Variants in BCAS3 observed in about 807,000 individuals in gnomAD.
BCAS3 encodes the protein BCAS3 microtubule associated cell migration factor.
BCAS3 carries 53 observed loss-of-function variants against 116.1 expected under a neutral mutation model. That is an observed-to-expected ratio of 0.46 (90% CI 0.37 to 0.57). The LOEUF is 0.57. BCAS3 is among the 20% of genes least tolerant of loss of function. BCAS3 has a pLI of 0.00. For synonymous variants in BCAS3, 391 were observed against 408.2 expected (o/e 0.96, Z 0.51); for missense variants, 917 against 1,165.4 (o/e 0.79, Z 3.10).
intron 6 of BCAS3, among the ~76,000 whole-genome samples, chr17:60,777,482 C>T (rs938188049): frequency 9.9e-5 from 15 of 151,548 alleles, no homozygotes; most frequent in African/African-American, 2.7e-4. Flanking sequence ...AAAAATGGGC[C>T]GGGTGTGGTG....
At chr17:61,150,917 CCA>C (rs1386881698) in intron 22 of BCAS3, among the ~76,000 whole-genome samples, 6 of 152,186 alleles carry the variant, frequency 3.9e-5, no homozygotes, top group African/African-American at 1.4e-4. Context: ...TCTTGGTTTT[CCA>C]CACTTTTGCA....
chr17:61,331,061 G>A (rs1243369526), intron 22 of BCAS3, among the ~76,000 whole-genome samples: 1 of 152,222 alleles, frequency 6.6e-6, no homozygotes, highest in Non-Finnish European at 1.5e-5. Context: ...GGTGCTTTCC[G>A]TAGGGGTGAG....
rs1008893446 is a variant in BCAS3 at position 61,366,792 on chromosome 17, A to G, written c.2426-1535A>G. Among the ~76,000 whole-genome samples, 4 of 152,174 alleles carry G rather than the reference A, an allele frequency of 2.6e-5. No individual in the cohort carries two copies. The highest frequency in any genetic ancestry group is 7.2e-5 in the African/African-American group (3 of 41,438). On this transcript the variant is annotated intron_variant, in intron 22 of 23. Transcript: ENST00000407086. The surrounding 1 kb of genome is among the most constrained non-coding windows in gnomAD (Gnocchi z 4.5). ...CCCAGTGCCAGGAATCTTCCCTACA[A>G]TTAGGTACGAGATAAATCAAAGCCA...
chr17:60,850,497 T>C (rs1022784265), intron 7 of BCAS3, among the ~76,000 whole-genome samples: 4 of 151,786 alleles, frequency 2.6e-5, no homozygotes, highest in Admixed American at 2.6e-4. Context: ...AAGCTGGGAT[T>C]ACAGGCACCC....
At chr17:61,329,343 A>ATTTTTTTTTTTTTTTTTTTTTTT (rs35909318) in intron 22 of BCAS3, among the ~76,000 whole-genome samples, 4 of 131,280 alleles carry the variant, frequency 3.0e-5, no homozygotes, top group African/African-American at 1.2e-4. Flanking sequence ...TATTATTATT[A>ATTTTTTTTTTTTTTTTTTTTTTT]TTTTTTTTTT....
chr17:61,199,898 T>A lies in BCAS3; in HGVS notation c.2425+115334T>A, dbSNP rs1443359408. The stretch of plus-strand genomic sequence containing the variant: ...CCCTAGGGTCATAACCTCTTAACCT[T>A]ACGGGTTATAGGTCTCTTGCTTTTT... On this transcript the variant is annotated intron_variant, in intron 22 of 23. Transcript: ENST00000407086. The surrounding 1 kb of genome is among the most constrained non-coding windows in gnomAD (Gnocchi z 4.6). Among the ~76,000 whole-genome samples the A allele has an allele frequency of 6.6e-6, 1 of 152,204 alleles. No individual in the cohort carries two copies. Among genetic ancestry groups the A allele is most frequent in the African/African-American group, 2.4e-5 (1 of 41,462 alleles).
chr17:60,834,324 A>G (rs2051189843), intron 7 of BCAS3, among the ~76,000 whole-genome samples: 1 of 152,074 alleles, frequency 6.6e-6, no homozygotes, highest in South Asian at 2.1e-4. Context: ...ATAATTGACT[A>G]TAAATTTTTA....
At chr17:60,802,864 G>A (rs1162792761) in intron 6 of BCAS3, among the ~76,000 whole-genome samples, 5 of 152,068 alleles carry the variant, frequency 3.3e-5, no homozygotes, top group South Asian at 4.1e-4. Flanking sequence ...CCTGACCTCC[G>A]CCTCGGCCTC....
chr17:61,091,849 A>G lies in BCAS3; in HGVS notation c.2425+7285A>G, dbSNP rs113838411. On this transcript the variant is annotated intron_variant, in intron 22 of 23. Transcript: ENST00000407086. ...CCCTTTCAGCTTGAAACATGGATGA[A>G]CCTGTGTTTTCAAGCACCTCTGAAG... is the stretch of plus-strand genomic sequence containing the variant. Among the ~76,000 whole-genome samples the G allele has an allele frequency of 1.5e-3, 222 of 152,224 alleles. 1 individual carries two copies. Among genetic ancestry groups the G allele is most frequent in the African/African-American group, 4.6e-3 (191 of 41,538 alleles).
At position 61,162,315 on chromosome 17, in the gene BCAS3, A is replaced by G. The variant is rs778132918; in HGVS notation, c.2425+77751A>G. 4.6e-5 allele frequency among the ~76,000 whole-genome samples: 7 copies of G among 152,148 alleles called. No homozygotes were observed. Among genetic ancestry groups the G allele is most frequent in the Non-Finnish European group, 8.8e-5 (6 of 68,022 alleles). ...GTGGGATGGGGATAGGTAGGGAATCATTTCTCAGGAGAAGGAGAGCTTGCG... is the reference window on the plus strand; with the variant it reads ...GTGGGATGGGGATAGGTAGGGAATCGTTTCTCAGGAGAAGGAGAGCTTGCG... On this transcript the variant is annotated intron_variant, in intron 22 of 23. Transcript: ENST00000407086. The surrounding 1 kb of genome is among the most constrained non-coding windows in gnomAD (Gnocchi z 5.6).
intron 12 of BCAS3, among the ~76,000 whole-genome samples, chr17:60,912,930 T>G (rs990238503): frequency 6.6e-6 from 1 of 152,098 alleles, no homozygotes; most frequent in Middle Eastern, 3.2e-3. Context: ...TCTCAGTAAT[T>G]TTGATGAAAT....
In BCAS3 at chr17:61,346,539, T is replaced by A. The variant is rs1354719301; in HGVS notation, c.2426-21788T>A. On this transcript the variant is annotated intron_variant, in intron 22 of 23. Coordinates refer to ENST00000407086, the MANE Select transcript of BCAS3 (RefSeq NM_017679.5). The surrounding 1 kb of genome is among the most constrained non-coding windows in gnomAD (Gnocchi z 5.4). The stretch of plus-strand genomic sequence containing the variant: ...TGTGTATCAGGTGCTGTGCTGAGCA[T>A]GTTCATTGAAGTCTTACTATTTTTA... 6.6e-6 allele frequency among the ~76,000 whole-genome samples: 1 copy of A among 152,214 alleles called. No individual in the cohort carries two copies. The highest frequency in any genetic ancestry group is 2.4e-5 in the African/African-American group (1 of 41,456).
chr17:61,097,667 T>A lies in BCAS3; in HGVS notation c.2425+13103T>A, dbSNP rs1415430559. Among the ~76,000 whole-genome samples, 1 of 152,204 alleles carries A rather than the reference T, an allele frequency of 6.6e-6. No homozygotes were observed. Among genetic ancestry groups the A allele is most frequent in the East Asian group, 1.9e-4 (1 of 5,198 alleles). ...AAAGAGATGGGAAACCAGTATTAAT[T>A]TATAAACAGTTAGGTGCCCAACACT... On this transcript the variant is annotated intron_variant, in intron 22 of 23. Transcript: ENST00000407086. The surrounding 1 kb of genome is among the most constrained non-coding windows in gnomAD (Gnocchi z 4.0).
rs1284639606 is a variant in BCAS3, at chr17:61,388,625, A to C, written c.2594-3352A>C. ...TGCTTTTCTTTTCAAAAGGGAAAAA[A>C]AAAGGAAAAAAAAAACAATGCCAAC... On this transcript the variant is annotated intron_variant, in intron 23 of 23. Coordinates refer to ENST00000407086, the MANE Select transcript of BCAS3 (RefSeq NM_017679.5). This position sits in a 1 kb window ranked among gnomAD's most constrained non-coding sequence, Gnocchi z 6.5. The C allele has an allele frequency of 1.3e-6, 2 of 1,535,772 alleles. No homozygotes were observed. Among genetic ancestry groups the C allele is most frequent in the African/African-American group, 2.7e-5 (2 of 72,788 alleles).
chr17:61,230,112 G>A (rs1461177411), intron 22 of BCAS3, among the ~76,000 whole-genome samples: 1 of 151,176 alleles, frequency 6.6e-6, no homozygotes, highest in African/African-American at 2.4e-5. Flanking sequence ...GTGACAGAGC[G>A]AGACTCTGTC....
At chr17:61,002,590 A>G (rs966001716) in intron 15 of BCAS3, 4 of 152,092 alleles carry the variant, frequency 2.6e-5, no homozygotes, top group African/African-American at 9.7e-5. Context: ...TTATTCTTCA[A>G]CGTCTTCTTA....
intron 13 of BCAS3, among the ~76,000 whole-genome samples, chr17:60,943,776 AC>A (rs1181601910): frequency 6.6e-6 from 1 of 152,158 alleles, no homozygotes; most frequent in Admixed American, 6.5e-5. Context: ...ACAAACTTTA[AC>A]AAATGTAAAA....
chr17:60,821,016 G>A (rs763648127), intron 7 of BCAS3, among the ~76,000 whole-genome samples: 1 of 152,018 alleles, frequency 6.6e-6, no homozygotes, highest in Non-Finnish European at 1.5e-5. Context: ...GCACAATCTC[G>A]GCTCACTGCA....
At chr17:61,125,052 A>G (rs1406365033) in intron 22 of BCAS3, among the ~76,000 whole-genome samples, 2 of 152,218 alleles carry the variant, frequency 1.3e-5, no homozygotes, top group African/African-American at 4.8e-5. Flanking sequence ...ATTTGAACTA[A>G]AAAGATAGAT....
Sources: allele counts gnomAD v4.1 joint callset (sites outside exome capture counted in the v4.1 genomes callset), GRCh38; gene constraint gnomAD v4.1.1; non-coding constraint Gnocchi (gnomAD v3.1); transcripts MANE v1.5; gene names NCBI Gene and HGNC (gene_info 2026-07-23, HGNC 2026-07-21).